Variants in ADGRF5 observed in about 807,000 individuals in gnomAD.
The protein encoded by ADGRF5 is adhesion G protein-coupled receptor F5.
Under a neutral mutation model 132.3 loss-of-function variants are expected in ADGRF5, and 75 were observed. The ratio of observed to expected loss-of-function variants is 0.57; its 90% confidence interval spans 0.47 to 0.69. The LOEUF (loss-of-function observed/expected upper bound fraction) is 0.69. ADGRF5 is among the 30% of genes least tolerant of loss of function. The probability of loss-of-function intolerance (pLI) is 0.00; values close to 1 mark genes in which losing one functional copy is unlikely to be tolerated. For synonymous variants in ADGRF5, 629 were observed against 597.6 expected, an observed-to-expected ratio of 1.05 and a Z score of -0.77; for missense variants, 1,516 against 1,630.6, an observed-to-expected ratio of 0.93 and a Z score of 1.21.
Position 46,859,010 on chromosome 6 carries a change from T to C in ADGRF5, c.2893A>G (p.Thr965Ala). ...CACCCACTGCTGTCCCACCCCCCTG[T>C]GTTGTTGGCAAGCCTGAAGTTCCAG... ...VFWNFRLANNTGGWDSSGCYV... is the reference protein window; with the variant it reads ...VFWNFRLANNAGGWDSSGCYV... Residue 965 changes from threonine (T) to alanine (A), a missense_variant, in exon 17 of 21, where the codon ACA (threonine) becomes GCA (alanine). Thr to Ala is a moderately conservative substitution (Grantham distance 58). Around this residue, in one of 2 missense-constraint regions of ADGRF5, gnomAD observed 571 missense variants for 701.2 expected, o/e 0.81. Coordinates refer to ENST00000283296, the MANE Select transcript of ADGRF5 (RefSeq NM_001098518.2). 6.2e-7 allele frequency: 1 copy of C among 1,614,152 alleles called. No homozygotes were observed. Among genetic ancestry groups the C allele is most frequent in the Non-Finnish European group, 8.5e-7 (1 of 1,180,010 alleles).
In ADGRF5 at chr6:46,906,552, T is replaced by A. The variant is rs372669730; in HGVS notation, c.102+109A>T. 489 of 682,270 alleles carry A rather than the reference T, an allele frequency of 7.2e-4. 4 individuals are homozygous for A. In the South Asian group the frequency reaches 8.4e-3, roughly 12 times the overall value. The allele number at this position is 682,270 out of a possible 1,614,324, so 42.3% of individuals were successfully genotyped here. A position where few individuals can be genotyped will look rare whatever the true frequency, so the allele number is the denominator to read the frequency against. ...GTTGCAACTATGGGAAGAATGTTTT[T>A]TCTCCCCCTAAAGTTTTTTCTCCTT... On this transcript the variant is annotated intron_variant, in intron 2 of 20. Transcript: ENST00000283296.
At position 46,853,187 on chromosome 6, in the gene ADGRF5, C is replaced by T. The variant is rs1428863482; in HGVS notation, c.*805G>A. 1 of 152,422 alleles carries T rather than the reference C, an allele frequency of 6.6e-6. No individual in the cohort carries two copies. The highest frequency in any genetic ancestry group is 2.1e-4 in the South Asian group (1 of 4,826). The allele number at this position is 152,422 out of a possible 1,614,324, so 9.4% of individuals were successfully genotyped here. A position where few individuals can be genotyped will look rare whatever the true frequency, so the allele number is the denominator to read the frequency against. On this transcript the variant is annotated 3_prime_UTR_variant, in exon 21 of 21. Transcript: ENST00000283296. ...GTAATACTTCCTCTGCAGATACATTCACTTAGTTCAAACCTTAACATACAA... is the reference window on the plus strand; with the variant it reads ...GTAATACTTCCTCTGCAGATACATTTACTTAGTTCAAACCTTAACATACAA...
intron 3 of ADGRF5, among the ~76,000 whole-genome samples, chr6:46,890,103 C>T (rs1040726111): frequency 6.2e-4 from 95 of 152,010 alleles, no homozygotes; most frequent in African/African-American, 2.1e-3. Flanking sequence ...GAATATTTTT[C>T]TTTTTTCTGG....
chr6:46,917,064 G>C (rs1404964437), intron 1 of ADGRF5, among the ~76,000 whole-genome samples: 2 of 152,212 alleles, frequency 1.3e-5, no homozygotes, highest in East Asian at 3.9e-4. Flanking sequence ...CTTGCTGTGT[G>C]TCAGACACTT....
chr6:46,879,502 G>T (rs1772207110), intron 9 of ADGRF5, among the ~76,000 whole-genome samples: 1 of 152,098 alleles, frequency 6.6e-6, no homozygotes, highest in Non-Finnish European at 1.5e-5. Context: ...CTGCTGCCAT[G>T]CAAGACATGC....
chr6:46,889,144 C>G (rs963282482), intron 3 of ADGRF5, among the ~76,000 whole-genome samples: 5 of 149,730 alleles, frequency 3.3e-5, no homozygotes. Flanking sequence ...ACAGCTACAT[C>G]AGGCAGGCTA....
At chr6:46,897,826 G>A (rs1047006415) in intron 3 of ADGRF5, among the ~76,000 whole-genome samples, 5 of 152,180 alleles carry the variant, frequency 3.3e-5, no homozygotes, top group African/African-American at 1.2e-4. Context: ...TTACAGGCGT[G>A]AGCCACCACG....
intron 10 of ADGRF5, among the ~76,000 whole-genome samples, chr6:46,873,140 C>T (rs1581785768): frequency 6.6e-6 from 1 of 152,110 alleles, no homozygotes. Context: ...TGCCCTTCCT[C>T]ACCCTGTGTC....
chr6:46,860,211 T>A (rs1431564672), intron 16 of ADGRF5, among the ~76,000 whole-genome samples: 1 of 152,204 alleles, frequency 6.6e-6, no homozygotes, highest in Non-Finnish European at 1.5e-5. Flanking sequence ...TAAATGTTGC[T>A]GGTCTCTGAG....
intron 10 of ADGRF5, among the ~76,000 whole-genome samples, chr6:46,877,582 A>G (rs1771960083): frequency 6.6e-6 from 1 of 152,026 alleles, no homozygotes; most frequent in East Asian, 1.9e-4. Context: ...ATTTATTACC[A>G]TTATTATTAT....
At chr6:46,869,445 C>T in intron 11 of ADGRF5, 1 of 931,036 alleles carries the variant, frequency 1.1e-6, no homozygotes, top group Non-Finnish European at 1.3e-6. Context: ...TCCTCTGTAA[C>T]ACCTTAAGGG....
intron 14 of ADGRF5, among the ~76,000 whole-genome samples, chr6:46,863,687 G>C (rs1770051752): frequency 6.6e-6 from 1 of 152,100 alleles, no homozygotes; most frequent in African/African-American, 2.4e-5. Flanking sequence ...CATGTCCAGT[G>C]GACCCTGACT....
chr6:46,936,418 A>C (rs1327758453), intron 1 of ADGRF5, among the ~76,000 whole-genome samples: 1 of 152,202 alleles, frequency 6.6e-6, no homozygotes, highest in Non-Finnish European at 1.5e-5. Flanking sequence ...CTTCCTCGAA[A>C]TATCCCTTCA....
chr6:46,862,703 C>A (rs866862516), intron 15 of ADGRF5, among the ~76,000 whole-genome samples, 185 bp downstream of exon 15: 1 of 26,506 alleles, frequency 3.8e-5, no homozygotes, highest in African/African-American at 1.6e-4. Flanking sequence ...TGAATTGAGG[C>A]TTTTTTTTTT....
At chr6:46,910,203 A>G (rs1775800016) in intron 1 of ADGRF5, among the ~76,000 whole-genome samples, 1 of 152,138 alleles carries the variant, frequency 6.6e-6, no homozygotes, top group Admixed American at 6.6e-5. Context: ...ATGATTCTCA[A>G]AATTTTAGCC....
intron 1 of ADGRF5, 98 bp from the exon 2 acceptor site, chr6:46,906,884 G>C: frequency 1.5e-6 from 1 of 679,398 alleles, no homozygotes; most frequent in East Asian, 2.7e-5. Context: ...TCCTACACAA[G>C]AACTTTTCAA....
chr6:46,896,109 G>C (rs1201038508), intron 3 of ADGRF5, among the ~76,000 whole-genome samples: 1 of 152,084 alleles, frequency 6.6e-6, no homozygotes, highest in Non-Finnish European at 1.5e-5. Flanking sequence ...GAGCCTCCTG[G>C]CTGGTCTCCC....
At chr6:46,900,505 A>G (rs1157018420) in intron 2 of ADGRF5, among the ~76,000 whole-genome samples, 1 of 143,598 alleles carries the variant, frequency 7.0e-6, no homozygotes, top group Non-Finnish European at 1.6e-5. Context: ...CCTAACCCCA[A>G]TCTTCCTGCT....
At chr6:46,862,415 A>G (rs1477200699) in intron 15 of ADGRF5, among the ~76,000 whole-genome samples, 1 of 152,210 alleles carries the variant, frequency 6.6e-6, no homozygotes, top group Non-Finnish European at 1.5e-5. Flanking sequence ...TCAAAAGCAC[A>G]AGTTACTTCC....
Sources: allele counts gnomAD v4.1 joint callset (sites outside exome capture counted in the v4.1 genomes callset), GRCh38; gene constraint gnomAD v4.1.1; regional missense constraint gnomAD v4.1.1; transcripts MANE v1.5; gene names NCBI Gene and HGNC (gene_info 2026-07-23, HGNC 2026-07-21).